Variants in BAX observed in about 807,000 individuals in gnomAD.
BAX encodes the protein BCL2 associated X, apoptosis regulator, also known as apoptosis regulator BAX.
A neutral mutation model predicts 26.8 loss-of-function variants in BAX; 21 were observed. The ratio of observed to expected loss-of-function variants is 0.78; its 90% CI spans 0.56 to 1.13. The LOEUF (loss-of-function observed/expected upper bound fraction) is 1.13, where lower values mean the gene tolerates loss of function less well. Among genes scored for constraint, BAX ranks in the 50% most tolerant of loss-of-function variants. The pLI is 0.00. For synonymous variants in BAX, 110 were observed against 101.8 expected (o/e 1.08, Z -0.49); for missense variants, 236 against 254.6 (o/e 0.93, Z 0.50).
Position 48,957,265 on chromosome 19 carries a change from C to CTTTTTTTTTTTT in BAX, c.369+948_369+959dup, listed in dbSNP as rs61415800. On this transcript the variant is annotated intron_variant, in intron 4 of 5. Transcript: ENST00000345358. ...GGCTGCTGGAAAGACTTTTTCTTTTCTTTTTTTTTTTTTTTTTTTTTTTTT... is the reference window on the plus strand; with the variant it reads ...GGCTGCTGGAAAGACTTTTTCTTTTCTTTTTTTTTTTTTTTTTTTTTTTTTTTTTTTTTTTTT... 2.1e-3 allele frequency among the ~76,000 whole-genome samples: 118 copies of CTTTTTTTTTTTT among 54,942 alleles called. 21 individuals are homozygous for CTTTTTTTTTTTT. The highest frequency in any genetic ancestry group is 4.6e-3 in the East Asian group (6 of 1,294). The allele number at this position is 54,942 out of a possible 152,430, so 36.0% of individuals were successfully genotyped here.
Position 48,960,836 on chromosome 19 carries a change from G to T in BAX, c.396G>T (p.Leu132=), listed in dbSNP as rs1481592994. The T allele has an allele frequency of 6.2e-7, 1 of 1,613,932 alleles. No homozygotes were observed. The highest frequency in any genetic ancestry group is 1.3e-5 in the African/African-American group (1 of 74,936). Residue 132 remains leucine, a synonymous_variant, in exon 5 of 6, where the codon CTG becomes CTT. Transcript: ENST00000345358. ...CCCTGTGCACCAAGGTGCCGGAACT[G>T]ATCAGAACCATCATGGGCTGGACAT... ...LKALCTKVPE[L]IRTIMGWTLD...
chr19:48,959,842 A>T (rs1329381982), intron 4 of BAX, among the ~76,000 whole-genome samples: 1 of 151,048 alleles, frequency 6.6e-6, no homozygotes, highest in Non-Finnish European at 1.5e-5. Context: ...AAAAAAAAAA[A>T]ATTAGCCAGG....
At chr19:48,957,464 G>A (rs1332836887) in intron 4 of BAX, among the ~76,000 whole-genome samples, 7 of 150,016 alleles carry the variant, frequency 4.7e-5, no homozygotes, top group Non-Finnish European at 7.4e-5. Context: ...TAGTAGAGAC[G>A]GAGTTTCGCC....
chr19:48,955,548 G>A lies in BAX; in HGVS notation c.35G>A (p.Gly12Glu), dbSNP rs1353084211. 2 of 1,611,890 alleles carry A rather than the reference G, an allele frequency of 1.2e-6. No homozygotes were observed. The highest frequency in any genetic ancestry group is 1.1e-5 in the South Asian group (1 of 90,626). ...CCTCTTCCCTTCCTTTCTCCTCTAG[G>A]GCCCACCAGCTCTGAGCAGATCATG... ...DGSGEQPRGG[G>E]PTSSEQIMKT... Residue 12 changes from glycine to glutamate, a missense_variant and splice_region_variant, in exon 2 of 6, where the codon GGG (glycine) becomes GAG (glutamate). Gly to Glu is a moderately conservative substitution (Grantham distance 98). Transcript: ENST00000345358.
Position 48,956,226 on chromosome 19 carries a change from C to G in BAX, c.262C>G (p.Pro88Ala), listed in dbSNP as rs1179344139. The G allele has an allele frequency of 1.3e-6, 2 of 1,583,184 alleles. No homozygotes were observed. The highest frequency in any genetic ancestry group is 1.7e-6 in the Non-Finnish European group (2 of 1,164,956). The change falls in exon 4 of 6, where the codon CCC becomes GCC. Residue 88 changes from proline (P) to alanine (A), a missense_variant. Physicochemically the swap from Pro to Ala is conservative, Grantham distance 27 (BLOSUM62 -1). Transcript: ENST00000345358. ...RMIAAVDTDS[P>A]REVFFRVAAD... Reference sequence around the variant, plus strand: ...GATTGCCGCCGTGGACACAGACTCCCCCCGAGAGGTCTTTTTCCGAGTGGC... The same window carrying G: ...GATTGCCGCCGTGGACACAGACTCCGCCCGAGAGGTCTTTTTCCGAGTGGC...
intron 3 of BAX, 78 bp downstream of exon 3, chr19:48,955,911 C>T (rs2038110751): frequency 7.5e-6 from 11 of 1,474,990 alleles, no homozygotes; most frequent in Non-Finnish European, 9.0e-6. Context: ...GCATTCTCCT[C>T]CTCCCCTAAG....
intron 4 of BAX, among the ~76,000 whole-genome samples, chr19:48,956,906 A>C (rs2038159451): frequency 6.9e-6 from 1 of 145,012 alleles, no homozygotes; most frequent in Non-Finnish European, 1.5e-5. Context: ...TCCTGACCTC[A>C]AGTGATCCAC....
At chr19:48,958,415 C>T (rs2122368353) in intron 4 of BAX, among the ~76,000 whole-genome samples, 1 of 136,292 alleles carries the variant, frequency 7.3e-6, no homozygotes, top group African/African-American at 2.8e-5. Flanking sequence ...AATGCAGTGG[C>T]ATGACCTTGG....
chr19:48,955,475 G>C (rs2038087025), intron 1 of BAX, 73 bp from the exon 2 acceptor site: 1 of 1,508,732 alleles, frequency 6.6e-7, no homozygotes, highest in Non-Finnish European at 8.9e-7. Context: ...CTCAGGGGCC[G>C]TGAGTCTCCA....
Position 48,960,877 on chromosome 19 carries a change from A to G in BAX, c.437A>G (p.Glu146Gly). The change falls in exon 5 of 6, where the codon GAG becomes GGG. Residue 146 changes from glutamate to glycine, a missense_variant. Physicochemically the swap from Glu to Gly is moderately conservative, Grantham distance 98 (BLOSUM62 -2). Transcript: ENST00000345358. Reference sequence around the variant, plus strand: ...GGCTGGACATTGGACTTCCTCCGGGAGCGGCTGTTGGGCTGGATCCAAGAC... The same window carrying G: ...GGCTGGACATTGGACTTCCTCCGGGGGCGGCTGTTGGGCTGGATCCAAGAC... ...IMGWTLDFLR[E>G]RLLGWIQDQG... is the part of the protein sequence containing the mutation. The G allele has an allele frequency of 1.2e-6, 2 of 1,614,082 alleles. No homozygotes were observed. The highest frequency in any genetic ancestry group is 1.7e-6 in the Non-Finnish European group (2 of 1,180,018).
At chr19:48,955,353 G>C in intron 1 of BAX, 195 bp from the exon 2 acceptor site, 1 of 574,760 alleles carries the variant, frequency 1.7e-6, no homozygotes, top group East Asian at 3.1e-5. Context: ...GAGAATGTAG[G>C]ATACAGGCCC....
rs2038058330 is a variant in BAX, at chr19:48,954,890, G to C, written c.-39G>C. ...TGACCCGGGCGCGCTGCGGCCGCCCGCGCGGACCCGGCGAGAGGCGGCGGC... is the reference window on the plus strand; with the variant it reads ...TGACCCGGGCGCGCTGCGGCCGCCCCCGCGGACCCGGCGAGAGGCGGCGGC... On this transcript the variant is annotated 5_prime_UTR_variant, in exon 1 of 6. Coordinates refer to ENST00000345358, the MANE Select transcript of BAX (RefSeq NM_138761.4). The C allele has an allele frequency of 1.6e-6, 2 of 1,227,360 alleles. No individual in the cohort carries two copies. The highest frequency in any genetic ancestry group is 2.0e-6 in the Non-Finnish European group (2 of 984,790). 76.0% of individuals were successfully genotyped at this position (1,227,360 alleles called of 1,614,324 possible). A position where few individuals can be genotyped will look rare whatever the true frequency, so the allele number is the denominator to read the frequency against.
rs781625726 is a variant in BAX, at chr19:48,960,791, C to T, written c.370-19C>T. ...TGGGGACAAGGTTCAGTCCCTAACGCCCACTCCACTCCCCACAGGCCCTGT... is the reference window on the plus strand; with the variant it reads ...TGGGGACAAGGTTCAGTCCCTAACGTCCACTCCACTCCCCACAGGCCCTGT... On this transcript the variant is annotated intron_variant, in intron 4 of 5. Transcript: ENST00000345358. 1 of 1,592,534 alleles carries T rather than the reference C, an allele frequency of 6.3e-7. No individual in the cohort carries two copies. Among genetic ancestry groups the T allele is most frequent in the Non-Finnish European group, 8.6e-7 (1 of 1,163,932 alleles).
At chr19:48,961,307 G>C in intron 5 of BAX, 1 of 1,382,416 alleles carries the variant, frequency 7.2e-7, no homozygotes, top group Non-Finnish European at 9.5e-7. Flanking sequence ...GGTTGGTCTC[G>C]AACTCCTGGC....
intron 4 of BAX, chr19:48,960,151 G>A (rs2038299509): frequency 2.4e-6 from 1 of 409,338 alleles, no homozygotes; most frequent in South Asian, 1.8e-5. Flanking sequence ...CTCAGGGGTG[G>A]GGCAGTTGAG....
chr19:48,960,100 T>G, intron 4 of BAX: 1 of 336,022 alleles, frequency 3.0e-6, no homozygotes. Flanking sequence ...GCACTGTGCC[T>G]TCGGGTCTTC....
chr19:48,955,252 C>G, intron 1 of BAX: 1 of 419,312 alleles, frequency 2.4e-6, no homozygotes, highest in Non-Finnish European at 4.1e-6. Context: ...CTTCCTGCCT[C>G]TGGCACTGGT....
chr19:48,960,940 C>T, intron 5 of BAX, 26 bp downstream of exon 5: 1 of 1,613,438 alleles, frequency 6.2e-7, no homozygotes, highest in Admixed American at 1.7e-5. Context: ...CCTCCTCACC[C>T]CCACCACCGC....
At chr19:48,958,119 C>T (rs1225359861) in intron 4 of BAX, among the ~76,000 whole-genome samples, 3 of 149,626 alleles carry the variant, frequency 2.0e-5, no homozygotes, top group African/African-American at 7.4e-5. Context: ...GAGGTAGGGT[C>T]TTGCTCTGTT....
Sources: gnomAD v4.1 joint callset for allele counts (sites outside exome capture counted in the v4.1 genomes callset) on GRCh38, gnomAD v4.1.1 for gene constraint, MANE v1.5 for transcripts, NCBI Gene and HGNC (gene_info 2026-07-23, HGNC 2026-07-21) for gene names.